NEBL: variants seen among roughly 807,000 people sequenced by gnomAD.
NEBL encodes the protein nebulette.
In NEBL, 122 loss-of-function variants were observed where a neutral mutation model predicts 140.2. The observed-to-expected ratio is 0.87, with a 90% CI of 0.75 to 1.01. The LOEUF is 1.01. Ranked by LOEUF, NEBL falls within the 50% of genes least tolerant of loss-of-function variation. The pLI is 0.00. For synonymous variants in NEBL, 436 were observed against 398.9 expected, an observed-to-expected ratio of 1.09 and a Z score of -1.11; for missense variants, 1,365 against 1,231.3, an observed-to-expected ratio of 1.11 and a Z score of -1.62.
intron 2 of NEBL, among the ~76,000 whole-genome samples, chr10:21,083,808 G>A (rs1836495031): frequency 6.6e-6 from 1 of 152,200 alleles, no homozygotes; most frequent in African/African-American, 2.4e-5. Context: ...TTGTGCCACT[G>A]CACTGCAGCC....
At chr10:21,234,403 C>G (rs1224092221) in intron 3 of NEBL, among the ~76,000 whole-genome samples, 1 of 152,098 alleles carries the variant, frequency 6.6e-6, no homozygotes, top group Non-Finnish European at 1.5e-5. Flanking sequence ...TGCACCCTCT[C>G]TCTTCATGTA....
At chr10:21,267,235 C>T (rs1389769350) in intron 1 of NEBL, among the ~76,000 whole-genome samples, 1 of 152,172 alleles carries the variant, frequency 6.6e-6, no homozygotes, top group African/African-American at 2.4e-5. Context: ...CTCGGCCTCC[C>T]AAAGTGCTGG....
At chr10:21,027,334 T>G (rs549868320) in intron 2 of NEBL, among the ~76,000 whole-genome samples, 23 of 151,204 alleles carry the variant, frequency 1.5e-4, no homozygotes, top group African/African-American at 5.6e-4. Flanking sequence ...TTGTTTTTTT[T>G]TTTTTAATTT....
chr10:21,233,947 G>C (rs1362889274), intron 3 of NEBL, among the ~76,000 whole-genome samples: 1 of 134,672 alleles, frequency 7.4e-6, no homozygotes, highest in African/African-American at 2.6e-5. Flanking sequence ...ATATATGCTG[G>C]ATGTGCGTTA....
At chr10:20,796,985 C>T (rs1836608884) in intron 26 of NEBL, among the ~76,000 whole-genome samples, 1 of 152,110 alleles carries the variant, frequency 6.6e-6, no homozygotes, top group Admixed American at 6.6e-5. Flanking sequence ...ATGTAGCTTC[C>T]TGATAAGAAC....
At chr10:20,967,465 T>A (rs1278090374) in intron 3 of NEBL, among the ~76,000 whole-genome samples, 1 of 152,074 alleles carries the variant, frequency 6.6e-6, no homozygotes, top group East Asian at 1.9e-4. Context: ...CTAGCTGTAC[T>A]CAAAATACAA....
At chr10:20,849,472 T>C (rs1157004975) in intron 11 of NEBL, among the ~76,000 whole-genome samples, 1 of 152,142 alleles carries the variant, frequency 6.6e-6, no homozygotes, top group East Asian at 1.9e-4. Context: ...GATCAGGCCA[T>C]AGCGCTCTGC....
chr10:21,037,598 G>A (rs938475389), intron 2 of NEBL, among the ~76,000 whole-genome samples: 1 of 152,120 alleles, frequency 6.6e-6, no homozygotes, highest in Non-Finnish European at 1.5e-5. Flanking sequence ...GTGATGAAAT[G>A]TTCCATACCT....
intron 2 of NEBL, chr10:21,029,969 A>G (rs1453872698): frequency 2.1e-6 from 1 of 483,838 alleles, no homozygotes; most frequent in African/African-American, 2.5e-5. Context: ...GATTATAGGT[A>G]TAATGATAGA....
chr10:20,884,908 G>T (rs1846353311), intron 4 of NEBL, among the ~76,000 whole-genome samples: 1 of 152,172 alleles, frequency 6.6e-6, no homozygotes, highest in South Asian at 2.1e-4. Context: ...TTGTTAACAG[G>T]GGATAGCTAA....
intron 26 of NEBL, among the ~76,000 whole-genome samples, chr10:20,800,004 A>G (rs1439475525): frequency 6.6e-6 from 1 of 152,026 alleles, no homozygotes; most frequent in East Asian, 1.9e-4. Flanking sequence ...GGGCAGCTAC[A>G]ATCTACTTAA....
chr10:20,795,745 G>A (rs1836443001), intron 26 of NEBL, among the ~76,000 whole-genome samples: 1 of 152,172 alleles, frequency 6.6e-6, no homozygotes, highest in Non-Finnish European at 1.5e-5. Flanking sequence ...GCTGCATAGT[G>A]ATGGCACCTA....
chr10:21,253,540 CTTTT>C (rs71509095), intron 1 of NEBL, among the ~76,000 whole-genome samples: 1 of 110,690 alleles, frequency 9.0e-6, no homozygotes. Context: ...TTTTAAACCT[CTTTT>C]TTTTTTTTTT....
At chr10:21,261,643 T>G (rs574686326) in intron 1 of NEBL, among the ~76,000 whole-genome samples, 1 of 148,020 alleles carries the variant, frequency 6.8e-6, no homozygotes, top group Non-Finnish European at 1.5e-5. Flanking sequence ...TGAGACCCTG[T>G]CTCAAAAAAA....
chr10:20,951,779 A>C (rs774042945), intron 4 of NEBL, among the ~76,000 whole-genome samples: 5 of 152,214 alleles, frequency 3.3e-5, no homozygotes, highest in Non-Finnish European at 7.3e-5. Flanking sequence ...TTTCTTTAAC[A>C]TTCAGGATAT....
intron 4 of NEBL, among the ~76,000 whole-genome samples, chr10:20,910,607 A>C (rs562450905): frequency 7.2e-5 from 11 of 152,106 alleles, no homozygotes; most frequent in Non-Finnish European, 5.9e-5. Flanking sequence ...TGGGGTGGGC[A>C]GTGGAAAGCA....
chr10:21,180,334 C>T (rs536315644), intron 3 of NEBL, among the ~76,000 whole-genome samples: 1 of 152,212 alleles, frequency 6.6e-6, no homozygotes, highest in South Asian at 2.1e-4. Flanking sequence ...TAATGACGTT[C>T]TGGGACTTCT....
At position 21,126,759 on chromosome 10, in the gene NEBL, G is replaced by A. The variant is rs570904648; in HGVS notation, c.164+45624C>T. 6.5e-4 allele frequency among the ~76,000 whole-genome samples: 99 copies of A among 151,888 alleles called. No homozygotes were observed. The Middle Eastern group carries it at 0.01, about 16-fold the overall frequency. On this transcript the variant is annotated intron_variant, in intron 2 of 6. Transcript: ENST00000417816. The stretch of plus-strand genomic sequence containing the variant: ...GAGGCCGAGGCGGGTGGATCATGAG[G>A]GTCAGGACTTTGAGACCACCCTGAC...
intron 1 of NEBL, among the ~76,000 whole-genome samples, chr10:21,262,758 C>T (rs942793130): frequency 6.6e-6 from 1 of 152,190 alleles, no homozygotes; most frequent in Admixed American, 6.5e-5. Flanking sequence ...CTGAACTTAG[C>T]ATCTGCCATC....
Sources: gnomAD v4.1 joint callset for allele counts (sites outside exome capture counted in the v4.1 genomes callset) on GRCh38, gnomAD v4.1.1 for gene constraint, MANE v1.5 for transcripts, NCBI Gene and HGNC (gene_info 2026-07-23, HGNC 2026-07-21) for gene names.